Variants in ELAVL4 observed in about 807,000 individuals in gnomAD.
ELAVL4 encodes ELAV like RNA binding protein 4, also known as ELAV-like protein 4.
In ELAVL4, 1 loss-of-function variant was observed where a neutral mutation model predicts 35.6. That is an observed-to-expected ratio of 0.03 (90% confidence interval 0.01 to 0.13). ELAVL4 has a LOEUF of 0.13. Among genes scored for constraint, ELAVL4 ranks in the 10% least tolerant of loss-of-function variants. The pLI is 1.00. For missense variants in ELAVL4, 267 were observed against 464.9 expected (o/e 0.57, Z 3.91); for synonymous variants, 156 against 171.0 (o/e 0.91, Z 0.69).
intron 3 of ELAVL4, among the ~76,000 whole-genome samples, chr1:50,185,061 CAGAT>C (rs1168687600): frequency 1.3e-5 from 2 of 152,200 alleles, no homozygotes; most frequent in Admixed American, 6.5e-5. Flanking sequence ...TTAGACAGCA[CAGAT>C]AGAGAACATT....
chr1:50,122,744 T>A (rs1669242123), intron 1 of ELAVL4, among the ~76,000 whole-genome samples: 1 of 152,110 alleles, frequency 6.6e-6, no homozygotes, highest in Non-Finnish European at 1.5e-5. Context: ...GAATGATAAA[T>A]GGAAGGTGGG....
intron 1 of ELAVL4, among the ~76,000 whole-genome samples, chr1:50,113,429 T>C (rs1031729675): frequency 2.0e-5 from 3 of 152,146 alleles, no homozygotes; most frequent in Non-Finnish European, 4.4e-5. Flanking sequence ...GTTGTCTTCA[T>C]AGAGGTCATC....
At chr1:50,188,618 C>T (rs990966328) in intron 3 of ELAVL4, among the ~76,000 whole-genome samples, 5 of 152,182 alleles carry the variant, frequency 3.3e-5, no homozygotes, top group Admixed American at 6.5e-5. Context: ...CAGACTGACA[C>T]ACCCTGTCAC....
rs563205923 is a variant in ELAVL4 at position 50,076,726 on chromosome 1, G to C, written c.18+28544G>C. On this transcript the variant is annotated intron_variant, in intron 1 of 6. Transcript: ENST00000448907. ...CAAGAAAGAGGATAAGCTGTGTTCT[G>C]TAAGGCCAGGGAGAATGGGAAGAAA... 1.9e-3 allele frequency among the ~76,000 whole-genome samples: 295 copies of C among 152,232 alleles called. 10 individuals are homozygous for C. The South Asian group carries it at 0.06, about 31-fold the overall frequency.
At chr1:50,132,958 A>C (rs1437246838) in intron 1 of ELAVL4, among the ~76,000 whole-genome samples, 4 of 152,146 alleles carry the variant, frequency 2.6e-5, no homozygotes, top group Non-Finnish European at 5.9e-5. Flanking sequence ...AATTGAGATA[A>C]TCAATCTTTT....
At chr1:50,121,918 A>G (rs1018768564) in intron 1 of ELAVL4, among the ~76,000 whole-genome samples, 3 of 152,212 alleles carry the variant, frequency 2.0e-5, no homozygotes, top group Non-Finnish European at 4.4e-5. Flanking sequence ...AATAATCAGT[A>G]GTGAATGTGA....
chr1:50,187,199 G>A (rs1249886852), intron 3 of ELAVL4, among the ~76,000 whole-genome samples: 1 of 152,206 alleles, frequency 6.6e-6, no homozygotes, highest in Non-Finnish European at 1.5e-5. Flanking sequence ...CTGATCTTCT[G>A]AAATGATTGG....
At chr1:50,160,792 A>T (rs908521685) in intron 2 of ELAVL4, among the ~76,000 whole-genome samples, 1 of 152,178 alleles carries the variant, frequency 6.6e-6, no homozygotes, top group Non-Finnish European at 1.5e-5. Context: ...TATTCTGTTA[A>T]TGTTTATGAA....
In ELAVL4 at chr1:50,149,400, A is replaced by AT. The variant is rs1392337721; in HGVS notation, c.250+4203_250+4204insT. 2.0e-5 allele frequency among the ~76,000 whole-genome samples: 3 copies of AT among 152,030 alleles called. No individual in the cohort carries two copies. In the East Asian group the frequency reaches 5.8e-4, roughly 29 times the overall value. On this transcript the variant is annotated intron_variant, in intron 2 of 6. Coordinates refer to ENST00000371824, the MANE Select transcript of ELAVL4 (RefSeq NM_001144774.3). ...TACGAAACTCTGTCTCAAAAAAAAA[A>AT]GAAAAAGAAAAAAGAAATCAGTGTA...
At chr1:50,073,720 G>C (rs2148489321) in intron 1 of ELAVL4, among the ~76,000 whole-genome samples, 1 of 152,164 alleles carries the variant, frequency 6.6e-6, no homozygotes, top group South Asian at 2.1e-4. Context: ...TCGTCCACTG[G>C]AGTTTGAGGA....
At chr1:50,074,357 C>T (rs1050190580) in intron 1 of ELAVL4, among the ~76,000 whole-genome samples, 3 of 152,160 alleles carry the variant, frequency 2.0e-5, no homozygotes, top group Non-Finnish European at 4.4e-5. Flanking sequence ...AAAGAGCATT[C>T]ACAGGAAGAT....
At chr1:50,091,706 T>G (rs769920136) in intron 1 of ELAVL4, among the ~76,000 whole-genome samples, 13 of 152,340 alleles carry the variant, frequency 8.5e-5, no homozygotes, top group Middle Eastern at 3.4e-3. Context: ...TAAGTTAAAG[T>G]TGCTAATGCT....
chr1:50,051,384 G>C (rs962579988), intron 1 of ELAVL4, among the ~76,000 whole-genome samples: 6 of 152,142 alleles, frequency 3.9e-5, no homozygotes, highest in African/African-American at 1.4e-4. Context: ...TGTAAGGGGC[G>C]AATGAATTAT....
chr1:50,161,666 A>C (rs912778526), intron 2 of ELAVL4, among the ~76,000 whole-genome samples: 9 of 152,244 alleles, frequency 5.9e-5, no homozygotes, highest in Non-Finnish European at 1.2e-4. Context: ...ATAACAAACC[A>C]AAAGGGTGGG....
intron 1 of ELAVL4, among the ~76,000 whole-genome samples, chr1:50,119,044 G>T (rs1177081503): frequency 1.3e-5 from 1 of 79,908 alleles, no homozygotes; most frequent in African/African-American, 5.9e-5. Flanking sequence ...GAAAAAGAAA[G>T]AAAGAAAGAA....
chr1:50,165,598 G>A (rs973753281), intron 2 of ELAVL4, among the ~76,000 whole-genome samples: 15 of 146,444 alleles, frequency 1.0e-4, no homozygotes, highest in Non-Finnish European at 1.9e-4. Context: ...ACATATATAC[G>A]TGTATGTATA....
chr1:50,112,243 A>C (rs1667195923), intron 1 of ELAVL4, among the ~76,000 whole-genome samples: 1 of 152,042 alleles, frequency 6.6e-6, no homozygotes, highest in Admixed American at 6.6e-5. Flanking sequence ...GTCACCTTTA[A>C]AAAAATAGAA....
intron 1 of ELAVL4, among the ~76,000 whole-genome samples, chr1:50,079,812 G>A (rs1664929867): frequency 6.6e-6 from 1 of 152,172 alleles, no homozygotes; most frequent in African/African-American, 2.4e-5. Flanking sequence ...CTGGGGCTGG[G>A]TAAATACTTC....
At chr1:50,191,567 G>GAC (rs373746556) in intron 3 of ELAVL4, among the ~76,000 whole-genome samples, 21 of 151,838 alleles carry the variant, frequency 1.4e-4, no homozygotes, top group African/African-American at 3.1e-4. Flanking sequence ...AGTTGAATAG[G>GAC]ACACACACAC....
Sources: gnomAD v4.1 joint callset for allele counts (sites outside exome capture counted in the v4.1 genomes callset) on GRCh38, gnomAD v4.1.1 for gene constraint, MANE v1.5 for transcripts, NCBI Gene and HGNC (gene_info 2026-07-23, HGNC 2026-07-21) for gene names.